MAST2: variants seen among roughly 807,000 people sequenced by gnomAD.
The protein encoded by MAST2 is microtubule-associated serine/threonine-protein kinase 2.
Under a neutral mutation model 147.4 loss-of-function variants are expected in MAST2, and 70 were observed. The ratio of observed to expected loss-of-function variants is 0.47; its 90% CI spans 0.39 to 0.58. The LOEUF (loss-of-function observed/expected upper bound fraction) is 0.58. Ranked by LOEUF, MAST2 falls within the 20% of genes least tolerant of loss-of-function variation. The pLI is 0.00. For missense variants in MAST2, 2,080 were observed against 2,302.3 expected (o/e 0.90, Z 1.98); for synonymous variants, 869 against 896.8 (o/e 0.97, Z 0.55).
At chr1:45,967,487 C>T (rs753039912) in intron 5 of MAST2, among the ~76,000 whole-genome samples, 2 of 151,970 alleles carry the variant, frequency 1.3e-5, no homozygotes, top group African/African-American at 2.4e-5. Flanking sequence ...GTATTATATA[C>T]GATACTCATA....
chr1:45,879,963 C>T (rs1553220456), intron 3 of MAST2, among the ~76,000 whole-genome samples: 1 of 152,064 alleles, frequency 6.6e-6, no homozygotes, highest in Non-Finnish European at 1.5e-5. Flanking sequence ...GTGAACATAA[C>T]ATGTATTAGC....
At chr1:45,965,206 G>T (rs150190597) in intron 5 of MAST2, among the ~76,000 whole-genome samples, 1 of 152,280 alleles carries the variant, frequency 6.6e-6, no homozygotes, top group South Asian at 2.1e-4. Flanking sequence ...TTGATTTGGG[G>T]TGGAGAGTTC....
At chr1:46,007,087 G>T (rs12021587) in intron 8 of MAST2, among the ~76,000 whole-genome samples, 67,877 of 152,042 alleles carry the variant, frequency 0.45, 15,347 homozygotes, top group East Asian at 0.63. Context: ...ATTCTCTTTG[G>T]CATTAGCTGG....
chr1:45,872,842 AAG>A (rs748653279), intron 3 of MAST2, among the ~76,000 whole-genome samples: 11 of 152,300 alleles, frequency 7.2e-5, no homozygotes, highest in Non-Finnish European at 1.3e-4. Context: ...TGGACAATGA[AAG>A]AGAGTGACTG....
intron 6 of MAST2, among the ~76,000 whole-genome samples, chr1:45,999,237 A>G (rs1161021376): frequency 6.6e-6 from 1 of 152,226 alleles, no homozygotes; most frequent in Non-Finnish European, 1.5e-5. Flanking sequence ...TATTCAAAAC[A>G]AATTTTATCC....
At chr1:45,878,161 G>A (rs1223039441) in intron 3 of MAST2, among the ~76,000 whole-genome samples, 1 of 146,480 alleles carries the variant, frequency 6.8e-6, no homozygotes, top group Non-Finnish European at 1.5e-5. Context: ...CAGAGATCAC[G>A]CCACTGCATT....
intron 3 of MAST2, chr1:45,847,257 G>A (rs183528506): frequency 6.5e-5 from 33 of 510,210 alleles, no homozygotes; most frequent in East Asian, 4.8e-4. Context: ...CCGCTCCATC[G>A]TCTGCTTGAT....
At chr1:45,864,059 A>G (rs1270555530) in intron 3 of MAST2, among the ~76,000 whole-genome samples, 3 of 152,206 alleles carry the variant, frequency 2.0e-5, no homozygotes, top group Admixed American at 6.5e-5. Flanking sequence ...CATGAGAACA[A>G]TCTTTCACTC....
chr1:46,005,540 G>A lies in MAST2; in HGVS notation c.748-701G>A, dbSNP rs186893900. Among the ~76,000 whole-genome samples, 607 of 152,268 alleles carry A rather than the reference G, an allele frequency of 4.0e-3. 4 individuals are homozygous for A. Among genetic ancestry groups the A allele is most frequent in the Non-Finnish European group, 5.2e-3 (356 of 68,022 alleles). On this transcript the variant is annotated intron_variant, in intron 7 of 28. Transcript: ENST00000361297. Reference sequence around the variant, plus strand: ...CGCCTGTAGAAGTCCTGTGATAGCCGAGCACCCTCCCTCAGATGGCCTGTT... The same window carrying A: ...CGCCTGTAGAAGTCCTGTGATAGCCAAGCACCCTCCCTCAGATGGCCTGTT...
intron 4 of MAST2, among the ~76,000 whole-genome samples, chr1:45,905,814 C>T (rs6698247): frequency 0.45 from 67,650 of 151,592 alleles, 15,310 homozygotes; most frequent in East Asian, 0.63. Context: ...TAGGATACTA[C>T]CCCTAACCCC....
chr1:46,025,696 G>C lies in MAST2; in HGVS notation c.1800G>C (p.Leu600=), dbSNP rs755689845. 3 of 1,614,062 alleles carry C rather than the reference G, an allele frequency of 1.9e-6. No individual in the cohort carries two copies. The highest frequency in any genetic ancestry group is 2.5e-6 in the Non-Finnish European group (3 of 1,180,042). ...TTGCAGGGGGAGACTGTGCCACTCT[G>C]CTGAAGAATATTGGGGCCCTGCCTG... is the stretch of plus-strand genomic sequence containing the variant. ...EYVEGGDCAT[L]LKNIGALPVD... The change falls in exon 16 of 29, where the codon CTG becomes CTC. Residue 600 remains leucine, a synonymous_variant. Coordinates refer to ENST00000361297, the MANE Select transcript of MAST2 (RefSeq NM_015112.3).
intron 4 of MAST2, among the ~76,000 whole-genome samples, chr1:45,931,861 A>T (rs1359658958): frequency 6.6e-6 from 1 of 151,808 alleles, no homozygotes; most frequent in East Asian, 1.9e-4. Context: ...GCTAAGTTTT[A>T]AAAAATTTTT....
intron 4 of MAST2, among the ~76,000 whole-genome samples, chr1:45,926,045 C>T (rs1426026220): frequency 6.6e-6 from 1 of 152,180 alleles, no homozygotes; most frequent in Non-Finnish European, 1.5e-5. Context: ...TTTACCAACA[C>T]CTGCTTTTCT....
intron 3 of MAST2, among the ~76,000 whole-genome samples, chr1:45,848,331 G>A (rs186235661): frequency 6.6e-6 from 1 of 151,878 alleles, no homozygotes; most frequent in Non-Finnish European, 1.5e-5. Flanking sequence ...GTGACTTACT[G>A]TGCAAACAAT....
intron 5 of MAST2, among the ~76,000 whole-genome samples, chr1:45,976,764 A>G (rs1359446431): frequency 2.6e-5 from 4 of 152,226 alleles, no homozygotes; most frequent in Non-Finnish European, 1.5e-5. Context: ...TAAAGAAAAT[A>G]TATGACTATG....
chr1:46,022,306 G>T (rs553509116), intron 12 of MAST2, among the ~76,000 whole-genome samples: 1 of 152,336 alleles, frequency 6.6e-6, no homozygotes, highest in Admixed American at 6.5e-5. Flanking sequence ...GATTGCATTG[G>T]CCCGGCTGAG....
At chr1:45,843,276 T>G (rs536088902) in intron 3 of MAST2, among the ~76,000 whole-genome samples, 120 of 152,338 alleles carry the variant, frequency 7.9e-4, no homozygotes, top group Middle Eastern at 3.4e-3. Flanking sequence ...ATGCCCTTGA[T>G]GAAGTCTAAC....
intron 26 of MAST2, 91 bp downstream of exon 26, chr1:46,032,809 C>T (rs1646728957): frequency 6.6e-7 from 1 of 1,518,486 alleles, no homozygotes; most frequent in Non-Finnish European, 9.0e-7. Flanking sequence ...GAGTTGGGTG[C>T]ACACACATCT....
chr1:46,023,733 T>A lies in MAST2; in HGVS notation c.1572-39T>A, dbSNP rs956140303. ...GTGGCAGAGAGCACAGCTCAGGTGC[T>A]GAGGGTCCATGGGGGATGGGCCGGA... On this transcript the variant is annotated intron_variant, in intron 14 of 28. Transcript: ENST00000361297. The surrounding 1 kb of genome is among the most constrained non-coding windows in gnomAD (Gnocchi z 4.9). The A allele has an allele frequency of 1.3e-6, 2 of 1,593,424 alleles. No homozygotes were observed. Among genetic ancestry groups the A allele is most frequent in the African/African-American group, 2.7e-5 (2 of 74,516 alleles).
Sources: gnomAD v4.1 joint callset for allele counts (sites outside exome capture counted in the v4.1 genomes callset) on GRCh38, gnomAD v4.1.1 for gene constraint, Gnocchi (gnomAD v3.1) non-coding constraint, MANE v1.5 for transcripts, NCBI Gene and HGNC (gene_info 2026-07-23, HGNC 2026-07-21) for gene names.